Variants in DPP10 observed in about 807,000 individuals in gnomAD.
DPP10 encodes the protein dipeptidyl peptidase like 10.
In DPP10, 33 loss-of-function variants were observed where a neutral mutation model predicts 120.9. That is an observed-to-expected ratio of 0.27 (90% CI 0.21 to 0.37). DPP10 has a LOEUF of 0.37. DPP10 is among the 10% of genes least tolerant of loss of function. DPP10 has a pLI of 1.00. For missense variants in DPP10, 816 were observed against 942.8 expected, an observed-to-expected ratio of 0.87 and a Z score of 1.76; for synonymous variants, 337 against 326.1, an observed-to-expected ratio of 1.03 and a Z score of -0.36.
chr2:115,399,934 C>T (rs983164344), intron 3 of DPP10, among the ~76,000 whole-genome samples: 3 of 152,006 alleles, frequency 2.0e-5, no homozygotes, highest in African/African-American at 4.8e-5. Flanking sequence ...GCAGGCTGTA[C>T]AGGAAGCATA....
intron 1 of DPP10, among the ~76,000 whole-genome samples, chr2:114,875,316 C>T (rs1404912856): frequency 6.6e-6 from 1 of 152,100 alleles, no homozygotes; most frequent in Non-Finnish European, 1.5e-5. Context: ...TCACAAAGAC[C>T]TCATAGCCAT....
At chr2:115,251,805 A>G (rs1427272438) in intron 1 of DPP10, among the ~76,000 whole-genome samples, 7 of 152,222 alleles carry the variant, frequency 4.6e-5, no homozygotes, top group Non-Finnish European at 1.0e-4. Flanking sequence ...GAGTGGTTAC[A>G]ATGTGATAGA....
chr2:115,592,517 G>C lies in DPP10; in HGVS notation c.441+66545G>C, dbSNP rs181490907. Among the ~76,000 whole-genome samples the C allele has an allele frequency of 2.1e-4, 32 of 151,760 alleles. No homozygotes were observed. In the East Asian group the frequency reaches 6.0e-3, roughly 29 times the overall value. Reference sequence around the variant, plus strand: ...GGCCAAGGCCTAGCACTTTGATCATGAGGTCAAGAGATCAAGACCATCCTG... The same window carrying C: ...GGCCAAGGCCTAGCACTTTGATCATCAGGTCAAGAGATCAAGACCATCCTG... On this transcript the variant is annotated intron_variant, in intron 5 of 25. Transcript: ENST00000410059.
At chr2:115,686,686 T>G (rs2091005743) in intron 5 of DPP10, among the ~76,000 whole-genome samples, 1 of 152,028 alleles carries the variant, frequency 6.6e-6, no homozygotes, top group East Asian at 1.9e-4. Context: ...ATACTTTTCT[T>G]GATGGGATTG....
At chr2:115,046,432 T>A (rs1462940063) in intron 1 of DPP10, among the ~76,000 whole-genome samples, 1 of 152,196 alleles carries the variant, frequency 6.6e-6, no homozygotes, top group East Asian at 1.9e-4. Context: ...AGAAGCATAG[T>A]GTGATTCTCT....
At chr2:114,737,921 T>C (rs1677620932) in intron 1 of DPP10, among the ~76,000 whole-genome samples, 2 of 152,218 alleles carry the variant, frequency 1.3e-5, no homozygotes, top group Admixed American at 1.3e-4. Context: ...TACCTGAGAC[T>C]GGGTGATTTG....
intron 15 of DPP10, among the ~76,000 whole-genome samples, chr2:115,780,569 C>T (rs1207983145): frequency 6.6e-6 from 1 of 151,666 alleles, no homozygotes; most frequent in Admixed American, 6.6e-5. Flanking sequence ...ATGCAAAAAA[C>T]AGTAAGTTAA....
chr2:115,704,898 T>C (rs1252998630), intron 7 of DPP10, among the ~76,000 whole-genome samples: 1 of 151,998 alleles, frequency 6.6e-6, no homozygotes, highest in African/African-American at 2.4e-5. Flanking sequence ...GAAGTGTATT[T>C]CTAAAGGTTT....
At chr2:115,812,411 G>A (rs574715338) in intron 19 of DPP10, among the ~76,000 whole-genome samples, 56 of 152,214 alleles carry the variant, frequency 3.7e-4, no homozygotes, top group African/African-American at 1.3e-3. Context: ...CATGATTCGT[G>A]CTAGTTCTCA....
At chr2:115,751,314 C>T (rs1185375764) in intron 10 of DPP10, among the ~76,000 whole-genome samples, 4 of 152,064 alleles carry the variant, frequency 2.6e-5, no homozygotes, top group Admixed American at 6.6e-5. Context: ...GCAAAATAAT[C>T]GGCTTAAACG....
intron 1 of DPP10, among the ~76,000 whole-genome samples, chr2:114,798,425 G>T (rs945249853): frequency 4.4e-4 from 67 of 152,108 alleles, no homozygotes; most frequent in African/African-American, 1.6e-3. Flanking sequence ...GTTTATTAGA[G>T]AAGAAGAATA....
chr2:114,582,972 T>C (rs1184987899), intron 1 of DPP10, among the ~76,000 whole-genome samples: 1 of 152,194 alleles, frequency 6.6e-6, no homozygotes, highest in Non-Finnish European at 1.5e-5. Context: ...CTAAGTCCCA[T>C]GCAGAGAACT....
At chr2:115,596,103 T>A (rs574775020) in intron 5 of DPP10, among the ~76,000 whole-genome samples, 2 of 152,160 alleles carry the variant, frequency 1.3e-5, no homozygotes, top group Non-Finnish European at 2.9e-5. Context: ...GAAGAACTCA[T>A]GTCTATTTGT....
At chr2:115,380,593 T>G (rs575761506) in intron 3 of DPP10, among the ~76,000 whole-genome samples, 71 of 152,254 alleles carry the variant, frequency 4.7e-4, no homozygotes, top group South Asian at 1.7e-3. Flanking sequence ...GATCCTGTCA[T>G]TATGATGTTA....
At chr2:114,761,949 G>A (rs1008668126) in intron 1 of DPP10, among the ~76,000 whole-genome samples, 9 of 152,120 alleles carry the variant, frequency 5.9e-5, no homozygotes, top group African/African-American at 2.2e-4. Flanking sequence ...GCTCCACAGA[G>A]ACAGAAAGCC....
In DPP10 at chr2:115,449,370, A is replaced by T. The variant is rs568863837; in HGVS notation, c.272-50140A>T. ...TATCAGAGAAACATATGCTAAGGGG[A>T]TAAACAAAAATGAGGAGTCTAGAGT... On this transcript the variant is annotated intron_variant, in intron 3 of 25. Transcript: ENST00000410059. Among the ~76,000 whole-genome samples, 14 of 152,196 alleles carry T rather than the reference A, an allele frequency of 9.2e-5. No homozygotes were observed. In the South Asian group the frequency reaches 2.1e-3, roughly 23 times the overall value.
intron 1 of DPP10, among the ~76,000 whole-genome samples, chr2:114,447,490 A>G (rs1443378317): frequency 6.6e-6 from 1 of 152,210 alleles, no homozygotes; most frequent in East Asian, 1.9e-4. Context: ...TGTCATTGCA[A>G]TATGCAAAAT....
intron 10 of DPP10, among the ~76,000 whole-genome samples, chr2:115,752,686 A>G (rs1678898482): frequency 6.6e-6 from 1 of 152,198 alleles, no homozygotes; most frequent in Non-Finnish European, 1.5e-5. Context: ...TATAAAGGAT[A>G]TAATTATTAA....
chr2:114,818,150 A>G (rs939864826), intron 1 of DPP10, among the ~76,000 whole-genome samples: 2 of 152,152 alleles, frequency 1.3e-5, no homozygotes, highest in Non-Finnish European at 2.9e-5. Context: ...GAAATTTAAC[A>G]TATTCCTGGT....
Sources: gnomAD v4.1 joint callset for allele counts (sites outside exome capture counted in the v4.1 genomes callset) on GRCh38, gnomAD v4.1.1 for gene constraint, MANE v1.5 for transcripts, NCBI Gene and HGNC (gene_info 2026-07-23, HGNC 2026-07-21) for gene names.